Variants in GML observed in about 807,000 individuals in gnomAD.
The protein encoded by GML is glycosylphosphatidylinositol anchored molecule like.
In GML, 5 loss-of-function variants were observed where a neutral mutation model predicts 8.2. That is an observed-to-expected ratio of 0.61 (90% CI 0.32 to 1.28). The LOEUF (loss-of-function observed/expected upper bound fraction) is 1.28. GML is among the 50% of genes most tolerant of loss of function. GML has a pLI of 0.06. For missense variants in GML, 191 were observed against 198.3 expected (o/e 0.96, Z 0.22); for synonymous variants, 72 against 69.0 (o/e 1.04, Z -0.22).
chr8:142,839,432 T>C (rs1364606853), intron 1 of GML, among the ~76,000 whole-genome samples: 1 of 152,198 alleles, frequency 6.6e-6, no homozygotes, highest in Non-Finnish European at 1.5e-5. Flanking sequence ...TCCCTATCCC[T>C]GGGGTGTGGC....
intron 1 of GML, among the ~76,000 whole-genome samples, chr8:142,838,899 G>C (rs1816382736): frequency 1.3e-5 from 2 of 152,154 alleles, no homozygotes; most frequent in Non-Finnish European, 1.5e-5. Context: ...GTATTCCATT[G>C]TAGCTCTTGG....
intron 1 of GML, among the ~76,000 whole-genome samples, chr8:142,839,815 A>G (rs1404715980): frequency 2.0e-5 from 3 of 152,172 alleles, no homozygotes; most frequent in East Asian, 1.9e-4. Context: ...GAGGTGCCCC[A>G]GACCCTCCCC....
intron 1 of GML, among the ~76,000 whole-genome samples, chr8:142,838,006 C>G (rs1816367350): frequency 6.8e-6 from 1 of 147,938 alleles, no homozygotes; most frequent in South Asian, 2.2e-4. Context: ...GCCAGCCTGG[C>G]TTTCAGCTGG....
chr8:142,841,221 C>G lies in GML; in HGVS notation c.177C>G (p.Ser59=), dbSNP rs866709748. ...PYHIRRCMTI[S]IRINSRELLV... ...ATATTAGGCGCTGTATGACAATCTC[C>G]ATTCGTAAGTACCTCTTTGTCATTT... The change falls in exon 3 of 4, where the codon TCC becomes TCG. Residue 59 remains serine (S), a synonymous_variant. Transcript: ENST00000220940. 1 of 1,397,876 alleles carries G rather than the reference C, an allele frequency of 7.2e-7. No individual in the cohort carries two copies. The highest frequency in any genetic ancestry group is 1.4e-5 in the African/African-American group (1 of 70,386). 86.6% of individuals were successfully genotyped at this position (1,397,876 alleles called of 1,614,324 possible). A position where few individuals can be genotyped will look rare whatever the true frequency, so the allele number is the denominator to read the frequency against.
chr8:142,839,024 T>C (rs2130216022), intron 1 of GML, among the ~76,000 whole-genome samples: 1 of 152,366 alleles, frequency 6.6e-6, no homozygotes, highest in East Asian at 1.9e-4. Context: ...ATGTCTGCTG[T>C]GCCCTCATGG....
intron 1 of GML, 61 bp from the exon 2 acceptor site, chr8:142,840,355 C>A: frequency 9.6e-7 from 1 of 1,043,600 alleles, no homozygotes. Context: ...AGGCCAGGGG[C>A]ATAGAGCTGG....
chr8:142,839,905 G>T (rs1816401124), intron 1 of GML, among the ~76,000 whole-genome samples: 1 of 152,180 alleles, frequency 6.6e-6, no homozygotes, highest in African/African-American at 2.4e-5. Flanking sequence ...CTCTCGTAAT[G>T]ACACTGAGGA....
chr8:142,838,812 G>A (rs73366734), intron 1 of GML, among the ~76,000 whole-genome samples: 3,232 of 152,220 alleles, frequency 0.021, 93 homozygotes, highest in African/African-American at 0.074. Context: ...AAATCCTAAA[G>A]CTCTGGGAGC....
intron 2 of GML, among the ~76,000 whole-genome samples, chr8:142,840,874 A>G (rs1431793290): frequency 6.6e-6 from 1 of 152,124 alleles, no homozygotes; most frequent in Non-Finnish European, 1.5e-5. Flanking sequence ...GTATGTGACC[A>G]CCAGTGGCGC....
intron 3 of GML, among the ~76,000 whole-genome samples, chr8:142,845,766 G>A (rs148549978): frequency 5.9e-5 from 9 of 152,148 alleles, no homozygotes; most frequent in African/African-American, 9.7e-5. Context: ...AGTTGCGATC[G>A]ATAACCTTCA....
In GML at chr8:142,846,688, T is replaced by C. The variant is rs983583157; in HGVS notation, c.475T>C (p.Ter159ArgextTer25). ...ASIIVSNILP[*>R] ...TATCATAGTCAGCAATATATTGCCATGAGGACCCCACCTTGGAGGGTCTGA... is the reference window on the plus strand; with the variant it reads ...TATCATAGTCAGCAATATATTGCCACGAGGACCCCACCTTGGAGGGTCTGA... Residue 159 changes from the stop codon to arginine, a stop_lost, in exon 4 of 4, where the codon TGA becomes CGA. Coordinates refer to ENST00000220940, the MANE Select transcript of GML (RefSeq NM_002066.3). The C allele has an allele frequency of 9.9e-6, 16 of 1,610,390 alleles. No homozygotes were observed. The African/African-American group carries it at 2.0e-4, about 20-fold the overall frequency.
intron 3 of GML, among the ~76,000 whole-genome samples, chr8:142,841,666 G>A (rs776723928): frequency 3.3e-5 from 5 of 152,196 alleles, no homozygotes; most frequent in Non-Finnish European, 7.3e-5. Context: ...CACACAGATG[G>A]GAAGGACAAG....
chr8:142,838,496 C>T (rs1315685052), intron 1 of GML, among the ~76,000 whole-genome samples: 2 of 152,086 alleles, frequency 1.3e-5, no homozygotes, highest in Admixed American at 6.6e-5. Flanking sequence ...TGACCACTTG[C>T]AAGTGGTTTT....
At chr8:142,839,166 G>A (rs1816387648) in intron 1 of GML, among the ~76,000 whole-genome samples, 1 of 151,942 alleles carries the variant, frequency 6.6e-6, no homozygotes, top group African/African-American at 2.4e-5. Context: ...GGGGCTGCTG[G>A]GTCTCAGGGG....
intron 2 of GML, among the ~76,000 whole-genome samples, chr8:142,840,853 A>T (rs1036382063): frequency 1.3e-5 from 2 of 152,170 alleles, no homozygotes; most frequent in African/African-American, 4.8e-5. Context: ...TCTGCAGAGC[A>T]TAGCAATCCC....
intron 1 of GML, among the ~76,000 whole-genome samples, chr8:142,835,510 T>C (rs34665217): frequency 9.2e-5 from 14 of 152,354 alleles, no homozygotes; most frequent in Admixed American, 3.3e-4. Context: ...TCCAGTCTTT[T>C]TGCCTTTTCT....
In GML at chr8:142,843,255, TACACACACACACACACAC is replaced by T. The variant is rs55778635; in HGVS notation, c.181+2057_181+2074del. Reference sequence around the variant, plus strand: ...AACTATTTTTAAAATAAAAGGTTCATACACACACACACACACACACACACACACACACACACACACACA... The same window carrying T: ...AACTATTTTTAAAATAAAAGGTTCATACACACACACACACACACACACACA... On this transcript the variant is annotated intron_variant, in intron 3 of 3. Transcript: ENST00000220940. Among the ~76,000 whole-genome samples the T allele has an allele frequency of 1.0e-3, 147 of 140,102 alleles. No individual in the cohort carries two copies. In the South Asian group the frequency reaches 0.022, roughly 21 times the overall value. The allele number at this position is 140,102 out of a possible 152,430, so 91.9% of individuals were successfully genotyped here. A position where few individuals can be genotyped will look rare whatever the true frequency, so the allele number is the denominator to read the frequency against.
intron 3 of GML, among the ~76,000 whole-genome samples, chr8:142,844,551 G>A (rs547187140): frequency 1.3e-5 from 2 of 152,298 alleles, no homozygotes; most frequent in East Asian, 3.9e-4. Flanking sequence ...TTCAAAACAT[G>A]TATTTACTAA....
intron 1 of GML, among the ~76,000 whole-genome samples, 187 bp from the exon 2 acceptor site, chr8:142,840,229 C>T (rs1419983530): frequency 1.3e-5 from 2 of 152,304 alleles, no homozygotes; most frequent in African/African-American, 2.4e-5. Context: ...ACAGGCCTGG[C>T]GAAGCCTCGT....
Sources: gnomAD v4.1 joint callset for allele counts (sites outside exome capture counted in the v4.1 genomes callset) on GRCh38, gnomAD v4.1.1 for gene constraint, MANE v1.5 for transcripts, NCBI Gene and HGNC (gene_info 2026-07-23, HGNC 2026-07-21) for gene names.